GPBP1L1: variants seen among roughly 807,000 people sequenced by gnomAD.
The protein encoded by GPBP1L1 is GC-rich promoter binding protein 1 like 1, also known as vasculin-like protein 1.
GPBP1L1 carries 23 observed loss-of-function variants against 52.5 expected under a neutral mutation model. The observed-to-expected ratio is 0.44, with a 90% CI of 0.32 to 0.62. The LOEUF is 0.62. Ranked by LOEUF, GPBP1L1 falls within the 20% of genes least tolerant of loss-of-function variation. GPBP1L1 has a pLI of 0.06. For missense variants in GPBP1L1, 596 were observed against 579.3 expected, an observed-to-expected ratio of 1.03 and a Z score of -0.30; for synonymous variants, 243 against 203.1, an observed-to-expected ratio of 1.20 and a Z score of -1.67.
chr1:45,641,054 A>G (rs1039250862), intron 7 of GPBP1L1, among the ~76,000 whole-genome samples: 2 of 152,110 alleles, frequency 1.3e-5, no homozygotes, highest in African/African-American at 4.8e-5. Context: ...ACCTAAAAGT[A>G]GCAGCTCCTG....
At chr1:45,635,804 G>A (rs1644586900) in intron 8 of GPBP1L1, 1 of 152,018 alleles carries the variant, frequency 6.6e-6, no homozygotes, top group Admixed American at 6.6e-5. Flanking sequence ...AAATCACTGG[G>A]CTCAAACTTT....
chr1:45,645,915 T>C (rs1489656190), intron 6 of GPBP1L1: 4 of 495,032 alleles, frequency 8.1e-6, no homozygotes, highest in Non-Finnish European at 1.2e-5. Flanking sequence ...CGAAGTCAAA[T>C]GGTTGGGATA....
intron 4 of GPBP1L1, among the ~76,000 whole-genome samples, chr1:45,657,785 C>A (rs1644902665): frequency 6.6e-6 from 1 of 152,108 alleles, no homozygotes. Context: ...CCCGGGAGTT[C>A]AAGGCTGTAA....
chr1:45,655,168 A>C, intron 5 of GPBP1L1, 22 bp downstream of exon 5: 1 of 1,613,984 alleles, frequency 6.2e-7, no homozygotes, highest in Non-Finnish European at 8.5e-7. Flanking sequence ...AAATATAGTC[A>C]TGAAAGTTGG....
chr1:45,641,084 A>G (rs1313878899), intron 7 of GPBP1L1, among the ~76,000 whole-genome samples: 1 of 152,150 alleles, frequency 6.6e-6, no homozygotes, highest in East Asian at 1.9e-4. Context: ...GAATAGAGAG[A>G]TGAGGTAATC....
chr1:45,665,743 TAAAAAAAAAA>T (rs949281797), intron 2 of GPBP1L1, among the ~76,000 whole-genome samples: 1 of 109,710 alleles, frequency 9.1e-6, no homozygotes, highest in African/African-American at 3.5e-5. Context: ...GACGCCGTCT[TAAAAAAAAAA>T]AAAAAAAAAA....
chr1:45,651,120 G>A (rs1338136151), intron 6 of GPBP1L1: 2 of 503,896 alleles, frequency 4.0e-6, no homozygotes, highest in South Asian at 1.4e-5. Context: ...TGCCTCCCCA[G>A]TGATGGCAGA....
Position 45,627,431 on chromosome 1 carries a change from CT to C in GPBP1L1, c.*824del, listed in dbSNP as rs1263523353. 1 of 152,486 alleles carries C rather than the reference CT, an allele frequency of 6.6e-6. No individual in the cohort carries two copies. The highest frequency in any genetic ancestry group is 1.9e-4 in the East Asian group (1 of 5,204). 9.4% of individuals were successfully genotyped at this position (152,486 alleles called of 1,614,324 possible). A position where few individuals can be genotyped will look rare whatever the true frequency, so the allele number is the denominator to read the frequency against. ...CCCCCAACTTCTAAAAATATTTCCC[CT>C]AAAAAAGAATCCACTCATCTAATTT... On this transcript the variant is annotated 3_prime_UTR_variant, in exon 13 of 13. Transcript: ENST00000355105.
At chr1:45,685,097 T>C (rs1645263145) in intron 2 of GPBP1L1, among the ~76,000 whole-genome samples, 1 of 152,078 alleles carries the variant, frequency 6.6e-6, no homozygotes, top group Non-Finnish European at 1.5e-5. Context: ...AGACAGTCTC[T>C]TGTTCAAAAG....
chr1:45,629,457 C>CCCG, intron 12 of GPBP1L1, 119 bp downstream of exon 12: 1 of 93,978 alleles, frequency 1.1e-5, no homozygotes, highest in Non-Finnish European at 2.4e-5. Flanking sequence ...AAGGTAATCC[C>CCCG]CCCCCCCCCC....
At chr1:45,679,042 C>T (rs1428374693) in intron 2 of GPBP1L1, among the ~76,000 whole-genome samples, 1 of 152,096 alleles carries the variant, frequency 6.6e-6, no homozygotes, top group African/African-American at 2.4e-5. Flanking sequence ...TCTACATTAC[C>T]CTTACATTGC....
chr1:45,670,627 A>G (rs1428897358), intron 2 of GPBP1L1, among the ~76,000 whole-genome samples: 1 of 151,786 alleles, frequency 6.6e-6, no homozygotes, highest in Non-Finnish European at 1.5e-5. Context: ...GTCCAATTTC[A>G]TTCTTTTCCA....
At position 45,683,203 on chromosome 1, in the gene GPBP1L1, CTTTTTTTTT is replaced by C. The variant is rs764606358; in HGVS notation, c.-1098+2364_-1098+2372del. ...AGATTGCCTAAATTTGAATATAGGCCTTTTTTTTTTTTTTTTTTTTTTTTTTTTGAGAGG... is the reference window on the plus strand; with the variant it reads ...AGATTGCCTAAATTTGAATATAGGCCTTTTTTTTTTTTTTTTTTTGAGAGG... On this transcript the variant is annotated intron_variant, in intron 2 of 12. Coordinates refer to ENST00000355105, the MANE Select transcript of GPBP1L1 (RefSeq NM_021639.5). Among the ~76,000 whole-genome samples the C allele has an allele frequency of 3.0e-4, 25 of 83,778 alleles. No individual in the cohort carries two copies. The South Asian group carries it at 3.1e-3, about 10-fold the overall frequency. The allele number at this position is 83,778 out of a possible 152,430, so 55.0% of individuals were successfully genotyped here.
intron 4 of GPBP1L1, among the ~76,000 whole-genome samples, chr1:45,658,298 T>C (rs940456923): frequency 6.6e-6 from 1 of 152,168 alleles, no homozygotes; most frequent in East Asian, 1.9e-4. Flanking sequence ...AACAAATGTG[T>C]GTTCACTCCA....
chr1:45,629,172 A>G (rs902004988), intron 12 of GPBP1L1, among the ~76,000 whole-genome samples: 1 of 152,232 alleles, frequency 6.6e-6, no homozygotes, highest in Admixed American at 6.5e-5. Context: ...ATAAACTGAC[A>G]CAAGCTATTT....
rs569434594 is a variant in GPBP1L1 at position 45,629,687 on chromosome 1, C to T, written c.1170-9G>A. 21 of 1,535,698 alleles carry T rather than the reference C, an allele frequency of 1.4e-5. No homozygotes were observed. Among genetic ancestry groups the T allele is most frequent in the South Asian group, 1.0e-4 (9 of 89,424 alleles). ...CCATAGCTTTCAATAACCTGGTGGA[C>T]GCAGAAGGACAGGTAAAGAGAATAC... On this transcript the variant is annotated splice_polypyrimidine_tract_variant and intron_variant, in intron 11 of 12. Transcript: ENST00000355105.
chr1:45,672,461 G>C (rs1209550303), intron 2 of GPBP1L1, among the ~76,000 whole-genome samples: 2 of 151,898 alleles, frequency 1.3e-5, no homozygotes, highest in African/African-American at 4.8e-5. Context: ...CAGCAACCTT[G>C]CTAAACTCTC....
At chr1:45,644,094 C>CGGAA (rs1485890555) in intron 6 of GPBP1L1, among the ~76,000 whole-genome samples, 9 of 152,176 alleles carry the variant, frequency 5.9e-5, no homozygotes, top group African/African-American at 2.2e-4. Context: ...ATGTATTTTC[C>CGGAA]AAGCAATCAA....
chr1:45,629,899 C>G (rs1053946802), intron 11 of GPBP1L1, among the ~76,000 whole-genome samples: 1 of 151,210 alleles, frequency 6.6e-6, no homozygotes, highest in Admixed American at 6.6e-5. Context: ...AAAGAAGAGA[C>G]AGTAGAAGCA....
Sources: allele counts gnomAD v4.1 joint callset (sites outside exome capture counted in the v4.1 genomes callset), GRCh38; gene constraint gnomAD v4.1.1; transcripts MANE v1.5; gene names NCBI Gene and HGNC (gene_info 2026-07-23, HGNC 2026-07-21).